C2orf49: variants seen among roughly 807,000 people sequenced by gnomAD.
C2orf49 encodes tRNA-splicing ligase complex subunit ASW.
A neutral mutation model predicts 20.6 loss-of-function variants in C2orf49; 11 were observed. The observed-to-expected ratio is 0.53, with a 90% CI of 0.34 to 0.88. The LOEUF is 0.88. Ranked by LOEUF, C2orf49 falls within the 40% of genes least tolerant of loss-of-function variation. The pLI is 0.02. For missense variants in C2orf49, 289 were observed against 274.2 expected, an observed-to-expected ratio of 1.05 and a Z score of -0.38; for synonymous variants, 134 against 108.5, an observed-to-expected ratio of 1.24 and a Z score of -1.46.
chr2:105,351,137 G>A (rs969700820), downstream of C2orf49, among the ~76,000 whole-genome samples: 6 of 151,970 alleles, frequency 3.9e-5, no homozygotes, highest in Non-Finnish European at 8.8e-5. Context: ...TGTGTTTTGC[G>A]GGGAGGACTA....
the C2orf49 span, chr2:105,378,363 G>T: frequency 8.3e-6 from 3 of 361,494 alleles, no homozygotes; most frequent in Non-Finnish European, 1.6e-5. Flanking sequence ...CCCACACCCT[G>T]CTCTATCGGA....
At chr2:105,342,761 G>T in intron 2 of C2orf49, 87 bp from the exon 3 acceptor site, 1 of 1,387,552 alleles carries the variant, frequency 7.2e-7, no homozygotes, top group Non-Finnish European at 9.7e-7. Context: ...AAATCTTTTT[G>T]TTTACTGCTT....
At chr2:105,362,682 C>T in the C2orf49 span, among the ~76,000 whole-genome samples, 1 of 152,204 alleles carries the variant, frequency 6.6e-6, no homozygotes, top group Non-Finnish European at 1.5e-5. Context: ...ATTTAAAGGA[C>T]TTTAGTGTGA....
At chr2:105,340,710 A>C (rs533327431) in intron 2 of C2orf49, among the ~76,000 whole-genome samples, 2 of 152,360 alleles carry the variant, frequency 1.3e-5, no homozygotes, top group African/African-American at 2.4e-5. Context: ...ACATTTGATT[A>C]ATCAGTGTTG....
chr2:105,361,121 C>A, the C2orf49 span: 1 of 648,214 alleles, frequency 1.5e-6, no homozygotes, highest in South Asian at 2.5e-5. Flanking sequence ...TGAACTATCA[C>A]AAAGCACTAA....
At chr2:105,340,963 G>C (rs1679649586) in intron 2 of C2orf49, among the ~76,000 whole-genome samples, 1 of 152,200 alleles carries the variant, frequency 6.6e-6, no homozygotes, top group African/African-American at 2.4e-5. Context: ...TAATGATTGA[G>C]ATTATTCTCC....
At chr2:105,374,955 G>C in the C2orf49 span, among the ~76,000 whole-genome samples, 1 of 152,174 alleles carries the variant, frequency 6.6e-6, no homozygotes. Flanking sequence ...GGCTGTTCAC[G>C]CGATGGCCCT....
chr2:105,363,514 G>A, the C2orf49 span: 1 of 1,534,560 alleles, frequency 6.5e-7, no homozygotes, highest in Non-Finnish European at 8.8e-7. Context: ...TCTGTGCTTG[G>A]CAGACATCTT....
At chr2:105,366,346 A>G in the C2orf49 span, among the ~76,000 whole-genome samples, 1 of 152,204 alleles carries the variant, frequency 6.6e-6, no homozygotes, top group Non-Finnish European at 1.5e-5. Context: ...AGCATTGGGG[A>G]TGTTTCTCCA....
At position 105,346,753 on chromosome 2, in the gene C2orf49, C is replaced by G. The variant is rs1428720131; in HGVS notation, c.*1382C>G. The G allele has an allele frequency of 6.6e-6, 1 of 152,086 alleles. No homozygotes were observed. The highest frequency in any genetic ancestry group is 1.9e-4 in the East Asian group (1 of 5,182). The allele number at this position is 152,086 out of a possible 1,614,324, so 9.4% of individuals were successfully genotyped here. ...CCCTGCAGCTGTAATATAGACAATTCCCACATGGCTGTTCTACACAGAATT... is the reference window on the plus strand; with the variant it reads ...CCCTGCAGCTGTAATATAGACAATTGCCACATGGCTGTTCTACACAGAATT... On this transcript the variant is annotated 3_prime_UTR_variant, in exon 4 of 4. Transcript: ENST00000258457.
At chr2:105,359,439 C>T in the C2orf49 span, 1 of 152,208 alleles carries the variant, frequency 6.6e-6, no homozygotes, top group Non-Finnish European at 1.5e-5. Context: ...GACTAACACT[C>T]AGATTAAGAA....
the C2orf49 span, among the ~76,000 whole-genome samples, chr2:105,364,117 G>A: frequency 6.6e-6 from 1 of 152,122 alleles, no homozygotes; most frequent in South Asian, 2.1e-4. Flanking sequence ...AATTAGCTGA[G>A]TGTGGTGGTG....
At chr2:105,344,725 G>A (rs372850415) in intron 3 of C2orf49, among the ~76,000 whole-genome samples, 3 of 151,094 alleles carry the variant, frequency 2.0e-5, no homozygotes, top group African/African-American at 7.3e-5. Flanking sequence ...GATTATAGGC[G>A]CCTGCCACCA....
chr2:105,355,143 A>C, the C2orf49 span, among the ~76,000 whole-genome samples: 1 of 152,204 alleles, frequency 6.6e-6, no homozygotes, highest in African/African-American at 2.4e-5. Context: ...ACCACCACAT[A>C]TAAGTGTGAA....
At chr2:105,377,561 G>A in the C2orf49 span, among the ~76,000 whole-genome samples, 2 of 152,294 alleles carry the variant, frequency 1.3e-5, no homozygotes, top group South Asian at 2.1e-4. Context: ...CCCGGGAGGT[G>A]GAGGGTGGAG....
At chr2:105,364,384 C>T in the C2orf49 span, among the ~76,000 whole-genome samples, 1 of 152,218 alleles carries the variant, frequency 6.6e-6, no homozygotes, top group African/African-American at 2.4e-5. Context: ...CCGGGACTAG[C>T]ACCTGCTGAT....
Position 105,347,015 on chromosome 2 carries a change from T to C in C2orf49, c.*1644T>C, listed in dbSNP as rs549591625. ...TTTTAAAGTAGTCTTATTCCTCTTT[T>C]GATTTGTTAAACAAGCATTTTAGTT... On this transcript the variant is annotated 3_prime_UTR_variant, in exon 4 of 4. Coordinates refer to ENST00000258457, the MANE Select transcript of C2orf49 (RefSeq NM_024093.3). 1.2e-4 allele frequency: 19 copies of C among 152,364 alleles called. No individual in the cohort carries two copies. The highest frequency in any genetic ancestry group is 4.1e-4 in the African/African-American group (17 of 41,596). The allele number at this position is 152,364 out of a possible 1,614,324, so 9.4% of individuals were successfully genotyped here. A position where few individuals can be genotyped will look rare whatever the true frequency, so the allele number is the denominator to read the frequency against.
rs181746891 is a variant in C2orf49, at chr2:105,339,267, C to T, written c.100-316C>T. ...GCTTTCTTTTGTCAACAGGCAGTCT[C>T]CCATTTTCAATCCCCTTTGTATATT... On this transcript the variant is annotated intron_variant, in intron 1 of 3. Transcript: ENST00000258457. Among the ~76,000 whole-genome samples, 43 of 152,344 alleles carry T rather than the reference C, an allele frequency of 2.8e-4. 1 individual carries two copies. In the East Asian group the frequency reaches 3.9e-3, roughly 14 times the overall value.
chr2:105,351,888 T>G (rs1426998272), downstream of C2orf49, among the ~76,000 whole-genome samples: 2 of 152,234 alleles, frequency 1.3e-5, no homozygotes, highest in African/African-American at 4.8e-5. Context: ...GGTGTACATT[T>G]CTATAGATAT....
Sources: gnomAD v4.1 joint callset for allele counts (sites outside exome capture counted in the v4.1 genomes callset) on GRCh38, gnomAD v4.1.1 for gene constraint, MANE v1.5 for transcripts, NCBI Gene and HGNC (gene_info 2026-07-23, HGNC 2026-07-21) for gene names.